The following KCNMA1 variants were observed in gnomAD, a reference collection of about 807,000 sequenced individuals.
KCNMA1 encodes Calcium-activated potassium channel subunit alpha-1.
In KCNMA1, 29 loss-of-function variants were observed where a neutral mutation model predicts 140.0. The ratio of observed to expected loss-of-function variants is 0.21; its 90% CI spans 0.15 to 0.28. The LOEUF (loss-of-function observed/expected upper bound fraction) is 0.28, where lower values mean the gene tolerates loss of function less well. Among genes scored for constraint, KCNMA1 ranks in the 10% least tolerant of loss-of-function variants. KCNMA1 has a pLI of 1.00. For synonymous variants in KCNMA1, 612 were observed against 611.9 expected, an observed-to-expected ratio of 1.00 and a Z score of 0.00; for missense variants, 880 against 1,602.2, an observed-to-expected ratio of 0.55 and a Z score of 7.70.
At chr10:77,241,412 G>A (rs1408268865) in intron 3 of KCNMA1, among the ~76,000 whole-genome samples, 1 of 152,186 alleles carries the variant, frequency 6.6e-6, no homozygotes, top group Non-Finnish European at 1.5e-5. Flanking sequence ...GGGAAGCTGA[G>A]GTGGGAGGAC....
At chr10:77,554,809 T>C (rs780039236) in intron 1 of KCNMA1, among the ~76,000 whole-genome samples, 1 of 151,970 alleles carries the variant, frequency 6.6e-6, no homozygotes, top group Non-Finnish European at 1.5e-5. Flanking sequence ...GAGCCTGATC[T>C]CTCGGGCACA....
At chr10:77,412,845 T>C (rs2096649723) in intron 1 of KCNMA1, among the ~76,000 whole-genome samples, 1 of 151,196 alleles carries the variant, frequency 6.6e-6, no homozygotes, top group Non-Finnish European at 1.5e-5. Flanking sequence ...GTTAGCTTTT[T>C]TTTGTTTTGT....
chr10:77,191,142 C>A (rs1598351404), intron 3 of KCNMA1, among the ~76,000 whole-genome samples: 1 of 152,216 alleles, frequency 6.6e-6, no homozygotes, highest in African/African-American at 2.4e-5. Context: ...GATAAACTGC[C>A]TACACTGGAA....
intron 2 of KCNMA1, among the ~76,000 whole-genome samples, chr10:77,401,153 AT>A (rs34524709): frequency 0.22 from 32,181 of 143,866 alleles, 3,494 homozygotes; most frequent in Non-Finnish European, 0.25. Context: ...TCAAAAATTC[AT>A]TTTTTTTTTT....
intron 24 of KCNMA1, chr10:76,913,192 C>T (rs1192738749): frequency 2.0e-5 from 3 of 152,168 alleles, no homozygotes; most frequent in African/African-American, 7.2e-5. Flanking sequence ...CTCTATCCAC[C>T]CCTCTGCTGA....
At chr10:76,937,573 G>A (rs576801396) in intron 23 of KCNMA1, among the ~76,000 whole-genome samples, 1 of 152,312 alleles carries the variant, frequency 6.6e-6, no homozygotes, top group Admixed American at 6.5e-5. Flanking sequence ...CTTTAGGAAG[G>A]CCCTTTTCGT....
intron 1 of KCNMA1, among the ~76,000 whole-genome samples, chr10:77,463,477 G>C (rs1275922366): frequency 6.7e-6 from 1 of 150,368 alleles, no homozygotes; most frequent in Non-Finnish European, 1.5e-5. Flanking sequence ...ACTCACAAAA[G>C]CCTGAGGAAG....
intron 1 of KCNMA1, among the ~76,000 whole-genome samples, chr10:77,631,149 A>G (rs535895594): frequency 4.5e-4 from 68 of 149,694 alleles, no homozygotes; most frequent in Non-Finnish European, 4.7e-4. Context: ...GCCCAGGCCT[A>G]GAGACACTCT....
At chr10:76,970,332 A>T in intron 19 of KCNMA1, 10 of 61,048 alleles carry the variant, frequency 1.6e-4, no homozygotes, top group East Asian at 4.9e-4. Context: ...GCCATAAGAA[A>T]AAAAAAAAAA....
At chr10:77,355,975 A>T (rs2093444757) in intron 2 of KCNMA1, among the ~76,000 whole-genome samples, 2 of 152,086 alleles carry the variant, frequency 1.3e-5, no homozygotes, top group South Asian at 4.1e-4. Context: ...ACTCCTACTC[A>T]CTCATCAAGA....
At chr10:77,131,840 C>T (rs1405668732) in intron 5 of KCNMA1, among the ~76,000 whole-genome samples, 1 of 151,738 alleles carries the variant, frequency 6.6e-6, no homozygotes, top group Non-Finnish European at 1.5e-5. Context: ...AGGCAGGCAC[C>T]TGTAATCCCA....
intron 2 of KCNMA1, among the ~76,000 whole-genome samples, chr10:77,371,402 G>C (rs1489833942): frequency 1.3e-5 from 2 of 152,158 alleles, no homozygotes; most frequent in Non-Finnish European, 2.9e-5. Flanking sequence ...GAAGCCACAA[G>C]CTGGAGCCCC....
At chr10:77,326,136 C>A (rs16934600) in intron 2 of KCNMA1, among the ~76,000 whole-genome samples, 1 of 152,054 alleles carries the variant, frequency 6.6e-6, no homozygotes, top group Non-Finnish European at 1.5e-5. Flanking sequence ...GACCTCTCTA[C>A]AAATTGTCCC....
At chr10:76,974,874 A>G (rs902140920) in intron 19 of KCNMA1, among the ~76,000 whole-genome samples, 3 of 152,200 alleles carry the variant, frequency 2.0e-5, no homozygotes, top group African/African-American at 7.2e-5. Flanking sequence ...ATGTACAGAC[A>G]CCGAAAACTC....
intron 18 of KCNMA1, among the ~76,000 whole-genome samples, chr10:77,007,653 G>GTGTATATATATA: frequency 6.8e-4 from 60 of 88,468 alleles, no homozygotes; most frequent in South Asian, 5.9e-3. Flanking sequence ...TTGTGTGTGT[G>GTGTATATATATA]TATATATATA....
intron 5 of KCNMA1, among the ~76,000 whole-genome samples, chr10:77,170,491 AAGG>A (rs2098692823): frequency 1.6e-5 from 1 of 62,056 alleles, no homozygotes; most frequent in Non-Finnish European, 3.1e-5. Flanking sequence ...TCCCTGGGAG[AAGG>A]TCAGAGGTGA....
chr10:77,302,540 G>T (rs2076776185), intron 2 of KCNMA1, among the ~76,000 whole-genome samples: 1 of 152,098 alleles, frequency 6.6e-6, no homozygotes, highest in African/African-American at 2.4e-5. Flanking sequence ...ATTCTCCAGG[G>T]TCCCAATTTC....
intron 17 of KCNMA1, among the ~76,000 whole-genome samples, chr10:77,015,307 C>T (rs67600358): frequency 0.33 from 50,573 of 151,792 alleles, 8,648 homozygotes; most frequent in East Asian, 0.52. Context: ...AAATGGCACA[C>T]GACAGCCTCT....
rs553807314 is a variant in KCNMA1, at chr10:76,976,013, C to T, written c.2267-5946G>A. Among the ~76,000 whole-genome samples, 4 of 152,262 alleles carry T rather than the reference C, an allele frequency of 2.6e-5. No homozygotes were observed. The South Asian group carries it at 8.3e-4, about 32-fold the overall frequency. Reference sequence around the variant, plus strand: ...ATACACCTCTCTAAAATCAAACAACCACATTATCATATACATTATTCTGGC... The same window carrying T: ...ATACACCTCTCTAAAATCAAACAACTACATTATCATATACATTATTCTGGC... On this transcript the variant is annotated intron_variant, in intron 19 of 27. Transcript: ENST00000286628.
Sources: allele counts gnomAD v4.1 joint callset (sites outside exome capture counted in the v4.1 genomes callset), GRCh38; gene constraint gnomAD v4.1.1; transcripts MANE v1.5; gene names NCBI Gene and HGNC (gene_info 2026-07-23, HGNC 2026-07-21).